Variants in CLPTM1 observed in about 807,000 individuals in gnomAD.
The protein encoded by CLPTM1 is CLPTM1 regulator of GABA type A receptor forward trafficking.
CLPTM1 carries 21 observed loss-of-function variants against 77.3 expected under a neutral mutation model. The ratio of observed to expected loss-of-function variants is 0.27; its 90% confidence interval spans 0.19 to 0.39. The LOEUF is 0.39. CLPTM1 is among the 10% of genes least tolerant of loss of function. CLPTM1 has a pLI of 1.00. For synonymous variants in CLPTM1, 373 were observed against 381.0 expected, an observed-to-expected ratio of 0.98 and a Z score of 0.24; for missense variants, 642 against 921.2, an observed-to-expected ratio of 0.70 and a Z score of 3.92.
chr19:44,983,421 C>T (rs911749597), intron 5 of CLPTM1, among the ~76,000 whole-genome samples: 1 of 151,544 alleles, frequency 6.6e-6, no homozygotes, highest in Non-Finnish European at 1.5e-5. Flanking sequence ...GAGATTGAGA[C>T]CAGCCTGGGC....
chr19:44,961,613 G>T (rs1041257847), intron 1 of CLPTM1, among the ~76,000 whole-genome samples: 1 of 152,040 alleles, frequency 6.6e-6, no homozygotes, highest in African/African-American at 2.4e-5. Flanking sequence ...AAGTTGCCCC[G>T]AACCCTAGAC....
intron 2 of CLPTM1, among the ~76,000 whole-genome samples, chr19:44,968,675 A>C (rs1970671694): frequency 6.6e-6 from 1 of 152,116 alleles, no homozygotes; most frequent in South Asian, 2.1e-4. Flanking sequence ...GAATCCAAAA[A>C]GGCCTGGCCT....
Position 44,962,035 on chromosome 19 carries a change from G to T in CLPTM1, c.145G>T (p.Ala49Ser). 1 of 1,611,674 alleles carries T rather than the reference G, an allele frequency of 6.2e-7. No individual in the cohort carries two copies. Among genetic ancestry groups the T allele is most frequent in the Non-Finnish European group, 8.5e-7 (1 of 1,179,144 alleles). The change falls in exon 2 of 14, where the codon GCA becomes TCA. Residue 49 changes from alanine to serine, a missense_variant. Ala to Ser is a moderately conservative substitution (Grantham distance 99, BLOSUM62 1). This residue lies in a region of CLPTM1 where 121 missense variants were observed against 120.8 expected (regional missense o/e 1.00). Transcript: ENST00000337392. ...GCCTCAGAACCCACCGGCCCAGCCG[G>T]CACCCAATGCCTGGCAGGTCATCAA... ...TQPQNPPAQPAPNAWQVIKGV... is the reference protein window; with the variant it reads ...TQPQNPPAQPSPNAWQVIKGV...
intron 5 of CLPTM1, among the ~76,000 whole-genome samples, chr19:44,979,155 T>C (rs1489958775): frequency 6.6e-6 from 1 of 152,084 alleles, no homozygotes; most frequent in Admixed American, 6.6e-5. Context: ...AGTTTTTGTA[T>C]TTTTAGTAGA....
chr19:44,961,454 G>C (rs1223263679), intron 1 of CLPTM1, among the ~76,000 whole-genome samples: 1 of 152,142 alleles, frequency 6.6e-6, no homozygotes, highest in East Asian at 1.9e-4. Flanking sequence ...TTGCATCCTG[G>C]CTCCAGCCCC....
chr19:44,992,411 G>C lies in CLPTM1; in HGVS notation c.1723+11G>C, dbSNP rs754257965. 1 of 1,613,906 alleles carries C rather than the reference G, an allele frequency of 6.2e-7. No homozygotes were observed. The highest frequency in any genetic ancestry group is 1.1e-5 in the South Asian group (1 of 91,068). Reference sequence around the variant, plus strand: ...GCTGCCTGCGGGACGGTGAGGCCCGGTGGGCAGGTGGGAGCTCCCACCGGA... The same window carrying C: ...GCTGCCTGCGGGACGGTGAGGCCCGCTGGGCAGGTGGGAGCTCCCACCGGA... On this transcript the variant is annotated intron_variant, in intron 13 of 13. Coordinates refer to ENST00000337392, the MANE Select transcript of CLPTM1 (RefSeq NM_001294.4). This position sits in a 1 kb window ranked among gnomAD's most constrained non-coding sequence, Gnocchi z 7.7.
upstream of CLPTM1, chr19:44,954,695 A>T (rs1309966747): frequency 8.5e-7 from 1 of 1,179,208 alleles, no homozygotes; most frequent in Non-Finnish European, 1.1e-6. Flanking sequence ...TAGCCCACGG[A>T]TGCGAGGTTT....
At position 44,980,062 on chromosome 19, in the gene CLPTM1, T is replaced by C. The variant is rs532499910; in HGVS notation, c.586+2602T>C. Among the ~76,000 whole-genome samples, 21 of 152,202 alleles carry C rather than the reference T, an allele frequency of 1.4e-4. No individual in the cohort carries two copies. In the South Asian group the frequency reaches 4.1e-3, roughly 30 times the overall value. On this transcript the variant is annotated intron_variant, in intron 5 of 13. Coordinates refer to ENST00000337392, the MANE Select transcript of CLPTM1 (RefSeq NM_001294.4). Reference sequence around the variant, plus strand: ...TTCACAGTCAGTCTGGTCTGTAAAATAGAACCTGCAGACAGTGAACCTGAA... The same window carrying C: ...TTCACAGTCAGTCTGGTCTGTAAAACAGAACCTGCAGACAGTGAACCTGAA...
chr19:44,972,551 G>A (rs1342082327), intron 2 of CLPTM1, among the ~76,000 whole-genome samples: 4 of 152,084 alleles, frequency 2.6e-5, no homozygotes, highest in East Asian at 1.9e-4. Context: ...GCCCGTCCTC[G>A]TTCATTCTAT....
chr19:44,956,976 T>G (rs1052388971), intron 1 of CLPTM1, among the ~76,000 whole-genome samples: 2 of 152,148 alleles, frequency 1.3e-5, no homozygotes, highest in Non-Finnish European at 2.9e-5. Context: ...CCTGTGCATT[T>G]TAGGATGTTT....
chr19:44,988,598 C>T (rs1314265833), intron 9 of CLPTM1, among the ~76,000 whole-genome samples: 1 of 152,252 alleles, frequency 6.6e-6, no homozygotes, highest in Non-Finnish European at 1.5e-5. Context: ...GGTTCTAAGG[C>T]TGACCATACT....
chr19:44,971,131 G>A (rs1375557345), intron 2 of CLPTM1, among the ~76,000 whole-genome samples: 3 of 151,796 alleles, frequency 2.0e-5, no homozygotes, highest in Non-Finnish European at 2.9e-5. Flanking sequence ...GCGCCCGGCC[G>A]ATCCTTTACT....
chr19:44,990,263 G>C lies in CLPTM1; in HGVS notation c.1133-132G>C, dbSNP rs968170039. On this transcript the variant is annotated intron_variant, in intron 9 of 13. Transcript: ENST00000337392. The surrounding 1 kb of genome is among the most constrained non-coding windows in gnomAD (Gnocchi z 4.8). The stretch of plus-strand genomic sequence containing the variant: ...AGCCTTCCTGGGAGAGAGGGGTCTC[G>C]TTCAGCACCCCTCCTGAGGACCCAG... 1.2e-6 allele frequency: 1 copy of C among 858,660 alleles called. No homozygotes were observed. The highest frequency in any genetic ancestry group is 1.8e-6 in the Non-Finnish European group (1 of 544,480). 53.2% of individuals were successfully genotyped at this position (858,660 alleles called of 1,614,324 possible).
chr19:44,956,530 G>A (rs1970466606), intron 1 of CLPTM1, among the ~76,000 whole-genome samples: 1 of 152,206 alleles, frequency 6.6e-6, no homozygotes, highest in Admixed American at 6.5e-5. Context: ...GTGTGATAGA[G>A]CCCACTGTAT....
chr19:44,980,487 C>T (rs1970876732), intron 5 of CLPTM1, among the ~76,000 whole-genome samples: 2 of 132,700 alleles, frequency 1.5e-5, no homozygotes, highest in Non-Finnish European at 3.1e-5. Context: ...CTAGCCTGGG[C>T]GACAGAGCAA....
chr19:44,954,981 C>G, upstream of CLPTM1: 2 of 1,535,384 alleles, frequency 1.3e-6, no homozygotes, highest in South Asian at 2.4e-5. Context: ...GGTTCGAAGC[C>G]GTACAGTGGC....
Position 44,991,083 on chromosome 19 carries a change from TA to T in CLPTM1, c.1419+140del. ...CATCCTCTGTGTCCCCCATCTGCCA[TA>T]ACTGCTTCCCTGGGCGAGTCCGGAG... On this transcript the variant is annotated intron_variant, in intron 11 of 13. Coordinates refer to ENST00000337392, the MANE Select transcript of CLPTM1 (RefSeq NM_001294.4). This position sits in a 1 kb window ranked among gnomAD's most constrained non-coding sequence, Gnocchi z 5.4. 8 of 1,228,966 alleles carry T rather than the reference TA, an allele frequency of 6.5e-6. No homozygotes were observed. The highest frequency in any genetic ancestry group is 8.6e-6 in the Non-Finnish European group (8 of 925,992). The allele number at this position is 1,228,966 out of a possible 1,614,324, so 76.1% of individuals were successfully genotyped here. A position where few individuals can be genotyped will look rare whatever the true frequency, so the allele number is the denominator to read the frequency against.
chr19:44,990,367 C>T lies in CLPTM1; in HGVS notation c.1133-28C>T. On this transcript the variant is annotated intron_variant, in intron 9 of 13. Transcript: ENST00000337392. This position sits in a 1 kb window ranked among gnomAD's most constrained non-coding sequence, Gnocchi z 4.8. ...AGGGTCTCAGCACCTCCTCAGCCTCCTGGTTCCCCCCTACCCCCTGCGCAC... is the reference window on the plus strand; with the variant it reads ...AGGGTCTCAGCACCTCCTCAGCCTCTTGGTTCCCCCCTACCCCCTGCGCAC... The T allele has an allele frequency of 6.2e-7, 1 of 1,608,316 alleles. No homozygotes were observed. The highest frequency in any genetic ancestry group is 8.5e-7 in the Non-Finnish European group (1 of 1,175,726).
At chr19:44,969,853 A>G (rs1600020913) in intron 2 of CLPTM1, among the ~76,000 whole-genome samples, 1 of 150,872 alleles carries the variant, frequency 6.6e-6, no homozygotes, top group East Asian at 1.9e-4. Flanking sequence ...ACGCCCGGCT[A>G]ATTTTTGTAT....
Sources: gnomAD v4.1 joint callset for allele counts (sites outside exome capture counted in the v4.1 genomes callset) on GRCh38, gnomAD v4.1.1 for gene constraint, gnomAD v4.1.1 regional missense constraint, Gnocchi (gnomAD v3.1) non-coding constraint, MANE v1.5 for transcripts, NCBI Gene and HGNC (gene_info 2026-07-23, HGNC 2026-07-21) for gene names.